The following TMOD3 variants were observed in gnomAD, a reference collection of about 807,000 sequenced individuals.
TMOD3 encodes the protein tropomodulin-3.
A neutral mutation model predicts 39.2 loss-of-function variants in TMOD3; 20 were observed. The observed-to-expected ratio is 0.51, with a 90% CI of 0.36 to 0.74. The LOEUF is 0.74. Among genes scored for constraint, TMOD3 ranks in the 30% least tolerant of loss-of-function variants. The pLI, the probability that TMOD3 is intolerant of heterozygous loss-of-function variation, is 0.00. For missense variants in TMOD3, 381 were observed against 412.8 expected (o/e 0.92, Z 0.67); for synonymous variants, 143 against 145.8 (o/e 0.98, Z 0.14).
chr15:51,893,732 T>C, intron 5 of TMOD3, 83 bp from the exon 6 acceptor site: 1 of 1,342,640 alleles, frequency 7.4e-7, no homozygotes, highest in Non-Finnish European at 9.7e-7. Context: ...GCCACTGCAC[T>C]CCGGCCTGGG....
intron 3 of TMOD3, among the ~76,000 whole-genome samples, chr15:51,882,250 A>T (rs1237516882): frequency 6.6e-6 from 1 of 151,888 alleles, no homozygotes; most frequent in African/African-American, 2.4e-5. Context: ...TCAGCTTTGC[A>T]TATGAGGGCC....
intron 1 of TMOD3, among the ~76,000 whole-genome samples, chr15:51,836,601 T>C (rs2056284862): frequency 6.6e-6 from 1 of 151,868 alleles, no homozygotes; most frequent in Non-Finnish European, 1.5e-5. Context: ...GGCACACACC[T>C]GTAGTCCCAG....
chr15:51,901,758 C>A, intron 8 of TMOD3, 134 bp from the exon 9 acceptor site: 1 of 863,264 alleles, frequency 1.2e-6, no homozygotes, highest in Non-Finnish European at 1.7e-6. Context: ...AACTACTGAA[C>A]TATGTATATG....
At chr15:51,859,332 AC>A in intron 1 of TMOD3, 1 of 716,360 alleles carries the variant, frequency 1.4e-6, no homozygotes, top group Non-Finnish European at 2.6e-6. Context: ...GATACAATCC[AC>A]CCAAAGATCA....
chr15:51,905,415 A>G (rs1470146879), intron 9 of TMOD3, among the ~76,000 whole-genome samples: 2 of 152,012 alleles, frequency 1.3e-5, no homozygotes, highest in African/African-American at 4.8e-5. Flanking sequence ...TGAACCCAGA[A>G]GGCGGAGGTT....
At chr15:51,862,670 T>C (rs1275255668) in intron 1 of TMOD3, 141 bp from the exon 2 acceptor site, 1 of 279,576 alleles carries the variant, frequency 3.6e-6, no homozygotes, top group East Asian at 6.3e-5. Flanking sequence ...CATTGAATGA[T>C]TCATAAACAA....
chr15:51,898,373 C>A (rs949205883), intron 7 of TMOD3, among the ~76,000 whole-genome samples: 1 of 152,280 alleles, frequency 6.6e-6, no homozygotes, highest in South Asian at 2.1e-4. Flanking sequence ...ATATAAAATA[C>A]CAACCCCATT....
At position 51,902,073 on chromosome 15, in the gene TMOD3, C is replaced by T. The variant is rs1292382424; in HGVS notation, c.1024+37C>T. On this transcript the variant is annotated intron_variant, in intron 9 of 9. Transcript: ENST00000308580. ...TATCGATCAAGTTTCTGAGTTCTAT[C>T]ACAAGCTAACGTATTGGGGGAACTT... 2.5e-6 allele frequency: 4 copies of T among 1,607,230 alleles called. No individual in the cohort carries two copies. The South Asian group carries it at 4.5e-5, about 18-fold the overall frequency.
At chr15:51,839,557 AT>A (rs1049876278) in intron 1 of TMOD3, among the ~76,000 whole-genome samples, 37 of 145,264 alleles carry the variant, frequency 2.5e-4, no homozygotes, top group African/African-American at 8.9e-4. Context: ...ATTCAGAGCA[AT>A]TTTTTTTTTC....
intron 9 of TMOD3, among the ~76,000 whole-genome samples, chr15:51,903,667 T>C (rs1041423859): frequency 3.3e-5 from 5 of 152,362 alleles, no homozygotes; most frequent in East Asian, 1.9e-4. Context: ...CTAATTGTTT[T>C]AGTATTGCTT....
chr15:51,907,073 A>AT (rs1348605774), intron 9 of TMOD3: 1 of 151,300 alleles, frequency 6.6e-6, no homozygotes, highest in Non-Finnish European at 1.5e-5. Context: ...ACATTTCTAT[A>AT]TTTTTCAGAG....
chr15:51,893,044 C>T (rs956374230), intron 5 of TMOD3, among the ~76,000 whole-genome samples: 6 of 151,832 alleles, frequency 4.0e-5, no homozygotes, highest in Admixed American at 2.0e-4. Context: ...GCCTGTAATC[C>T]CAGCACTTTG....
intron 3 of TMOD3, among the ~76,000 whole-genome samples, chr15:51,873,574 A>G (rs924912261): frequency 6.6e-6 from 1 of 152,204 alleles, no homozygotes; most frequent in Admixed American, 6.5e-5. Context: ...TAATGGCAAT[A>G]TTAGCCTTCT....
At chr15:51,867,650 A>G (rs1363095612) in intron 2 of TMOD3, among the ~76,000 whole-genome samples, 1 of 152,220 alleles carries the variant, frequency 6.6e-6, no homozygotes, top group African/African-American at 2.4e-5. Flanking sequence ...AAATTGTCTT[A>G]TACCACCCAT....
intron 1 of TMOD3, among the ~76,000 whole-genome samples, chr15:51,840,523 G>A (rs572178547): frequency 6.6e-6 from 1 of 151,970 alleles, no homozygotes; most frequent in African/African-American, 2.4e-5. Context: ...CTTATTTTAC[G>A]GATGAGAAAA....
intron 1 of TMOD3, among the ~76,000 whole-genome samples, chr15:51,841,775 T>C (rs185115656): frequency 1.3e-5 from 2 of 152,224 alleles, no homozygotes; most frequent in African/African-American, 2.4e-5. Context: ...GGAGTTTTTT[T>C]AATTATTATT....
intron 8 of TMOD3, chr15:51,901,121 G>GGCT (rs1405361382): frequency 2.6e-5 from 4 of 152,130 alleles, no homozygotes; most frequent in Non-Finnish European, 5.9e-5. Flanking sequence ...TTTTGTGCCT[G>GGCT]GCTTCTTTCA....
intron 1 of TMOD3, among the ~76,000 whole-genome samples, chr15:51,851,827 C>T (rs193227717): frequency 1.3e-5 from 2 of 152,346 alleles, no homozygotes; most frequent in Admixed American, 1.3e-4. Flanking sequence ...CTCTCCATCT[C>T]CACAGCCACA....
At chr15:51,858,750 G>C (rs1266095947) in intron 1 of TMOD3, among the ~76,000 whole-genome samples, 1 of 152,120 alleles carries the variant, frequency 6.6e-6, no homozygotes, top group African/African-American at 2.4e-5. Context: ...ACTCATACTT[G>C]AACTGGGATA....
Sources: allele counts gnomAD v4.1 joint callset (sites outside exome capture counted in the v4.1 genomes callset), GRCh38; gene constraint gnomAD v4.1.1; transcripts MANE v1.5; gene names NCBI Gene and HGNC (gene_info 2026-07-23, HGNC 2026-07-21).